VANGL1: variants seen among roughly 807,000 people sequenced by gnomAD.
VANGL1 encodes vang-like protein 1.
A neutral mutation model predicts 48.4 loss-of-function variants in VANGL1; 18 were observed. The observed-to-expected ratio is 0.37, with a 90% CI of 0.26 to 0.55. The LOEUF is 0.55. Ranked by LOEUF, VANGL1 falls within the 20% of genes least tolerant of loss-of-function variation. VANGL1 has a pLI of 0.81. For missense variants in VANGL1, 667 were observed against 675.8 expected (o/e 0.99, Z 0.14); for synonymous variants, 257 against 261.8 (o/e 0.98, Z 0.18).
chr1:115,673,965 C>G (rs1374851456), intron 4 of VANGL1, among the ~76,000 whole-genome samples: 1 of 152,110 alleles, frequency 6.6e-6, no homozygotes, highest in South Asian at 2.1e-4. Context: ...CTGCAAAGAC[C>G]CTGTGTCCAA....
At chr1:115,684,943 C>T (rs771514270) in intron 6 of VANGL1, among the ~76,000 whole-genome samples, 4 of 152,100 alleles carry the variant, frequency 2.6e-5, no homozygotes, top group Admixed American at 1.3e-4. Flanking sequence ...TATAGCCAGT[C>T]GGAGGGGCCT....
At chr1:115,674,915 G>T (rs1180260659) in intron 4 of VANGL1, among the ~76,000 whole-genome samples, 1 of 152,090 alleles carries the variant, frequency 6.6e-6, no homozygotes, top group Non-Finnish European at 1.5e-5. Context: ...GAGGGTGAAT[G>T]AATGGGAAGT....
intron 5 of VANGL1, 29 bp from the exon 6 acceptor site, chr1:115,683,915 A>C (rs374629988): frequency 1.2e-6 from 2 of 1,611,482 alleles, no homozygotes; most frequent in Middle Eastern, 3.3e-4. Context: ...TGGTATTAAC[A>C]CTATTCTTTC....
Position 115,644,038 on chromosome 1 carries a change from G to A in VANGL1, c.-138+1952G>A, listed in dbSNP as rs1405257663. On this transcript the variant is annotated intron_variant, in intron 1 of 7. Transcript: ENST00000355485. ...ACGATGCTTGGAACACTGAACCTGT[G>A]AGTAGAAGTTGAAATTGCAAAATTC... is the stretch of plus-strand genomic sequence containing the variant. Among the ~76,000 whole-genome samples the A allele has an allele frequency of 3.3e-5, 5 of 152,176 alleles. No individual in the cohort carries two copies. In the East Asian group the frequency reaches 5.8e-4, roughly 18 times the overall value.
chr1:115,678,725 G>T (rs1653262635), intron 4 of VANGL1, among the ~76,000 whole-genome samples: 1 of 152,172 alleles, frequency 6.6e-6, no homozygotes, highest in Non-Finnish European at 1.5e-5. Context: ...GGAGGCCAAG[G>T]TAGGCGGATC....
intron 4 of VANGL1, among the ~76,000 whole-genome samples, chr1:115,664,995 C>A (rs1652718015): frequency 6.6e-6 from 1 of 152,114 alleles, no homozygotes. Flanking sequence ...TATTATTAAT[C>A]CCTGTGTCAC....
Position 115,692,602 on chromosome 1 carries a change from A to G in VANGL1, c.*1223A>G, listed in dbSNP as rs1307276823. 1 of 152,706 alleles carries G rather than the reference A, an allele frequency of 6.5e-6. No homozygotes were observed. Among genetic ancestry groups the G allele is most frequent in the Non-Finnish European group, 1.5e-5 (1 of 68,096 alleles). 9.5% of individuals were successfully genotyped at this position (152,706 alleles called of 1,614,324 possible). A position where few individuals can be genotyped will look rare whatever the true frequency, so the allele number is the denominator to read the frequency against. ...ACTCTACAGAGTTTGGGGAAGGGAG[A>G]GTAGGGAGCCCATCTTGTCCAGAAA... is the stretch of plus-strand genomic sequence containing the variant. On this transcript the variant is annotated 3_prime_UTR_variant, in exon 8 of 8. Coordinates refer to ENST00000355485, the MANE Select transcript of VANGL1 (RefSeq NM_138959.3).
At chr1:115,681,374 A>G (rs1212224143) in intron 4 of VANGL1, among the ~76,000 whole-genome samples, 1 of 151,938 alleles carries the variant, frequency 6.6e-6, no homozygotes, top group African/African-American at 2.4e-5. Flanking sequence ...GGATAGTTGG[A>G]GACCTAGAAT....
intron 3 of VANGL1, among the ~76,000 whole-genome samples, chr1:115,662,052 A>AC (rs1652578498): frequency 6.6e-6 from 1 of 152,178 alleles, no homozygotes; most frequent in Non-Finnish European, 1.5e-5. Flanking sequence ...GTCCACTTCC[A>AC]CCAGCAGTGT....
intron 2 of VANGL1, among the ~76,000 whole-genome samples, chr1:115,656,423 G>T (rs1428920051): frequency 2.0e-5 from 3 of 152,156 alleles, no homozygotes; most frequent in Non-Finnish European, 2.9e-5. Context: ...CAGTCACCTG[G>T]GATGCTGGGA....
rs969122647 is a variant in VANGL1 at position 115,691,538 on chromosome 1, G to C, written c.*159G>C. 1 of 826,086 alleles carries C rather than the reference G, an allele frequency of 1.2e-6. No homozygotes were observed. The highest frequency in any genetic ancestry group is 1.8e-6 in the Non-Finnish European group (1 of 553,772). 51.2% of individuals were successfully genotyped at this position (826,086 alleles called of 1,614,324 possible). On this transcript the variant is annotated 3_prime_UTR_variant, in exon 8 of 8. Transcript: ENST00000355485. ...CCTTTGACCATCTGCACTTTATTTG[G>C]AAGGAAGCAGGGGCTGTCCACCCTG...
At position 115,696,800 on chromosome 1, in the gene VANGL1, C is replaced by T. The variant is rs972380113; in HGVS notation, c.*5421C>T. 6.6e-6 allele frequency: 1 copy of T among 152,152 alleles called. No homozygotes were observed. The highest frequency in any genetic ancestry group is 2.4e-5 in the African/African-American group (1 of 41,434). 9.4% of individuals were successfully genotyped at this position (152,152 alleles called of 1,614,324 possible). A position where few individuals can be genotyped will look rare whatever the true frequency, so the allele number is the denominator to read the frequency against. Reference sequence around the variant, plus strand: ...GTGAAAAGTTTCTTTCAATATGGCACCAAGACTCTACCATTTATGTCTCTC... The same window carrying T: ...GTGAAAAGTTTCTTTCAATATGGCATCAAGACTCTACCATTTATGTCTCTC... On this transcript the variant is annotated 3_prime_UTR_variant, in exon 8 of 8. Coordinates refer to ENST00000355485, the MANE Select transcript of VANGL1 (RefSeq NM_138959.3).
At chr1:115,683,907 G>A (rs368830867) in intron 5 of VANGL1, 37 bp from the exon 6 acceptor site, 4 of 1,609,742 alleles carry the variant, frequency 2.5e-6, no homozygotes, top group South Asian at 1.1e-5. Context: ...CACCCTCGTG[G>A]TATTAACACT....
At chr1:115,673,037 A>G (rs1298276019) in intron 4 of VANGL1, among the ~76,000 whole-genome samples, 1 of 152,198 alleles carries the variant, frequency 6.6e-6, no homozygotes, top group Non-Finnish European at 1.5e-5. Flanking sequence ...TTTTCACAGA[A>G]AGCTGAATCA....
chr1:115,659,614 A>G (rs1407452457), intron 2 of VANGL1, 27 bp from the exon 3 acceptor site: 1 of 1,613,888 alleles, frequency 6.2e-7, no homozygotes, highest in Non-Finnish European at 8.5e-7. Context: ...CATGGCATAA[A>G]TGTGCTAGCT....
chr1:115,659,212 A>AT (rs145116881), intron 2 of VANGL1, among the ~76,000 whole-genome samples: 8 of 152,154 alleles, frequency 5.3e-5, no homozygotes, highest in South Asian at 4.2e-4. Flanking sequence ...AAAAATAGAT[A>AT]TTTTTTTGTA....
intron 7 of VANGL1, among the ~76,000 whole-genome samples, chr1:115,688,787 T>C: frequency 7.6e-6 from 1 of 130,940 alleles, no homozygotes; most frequent in East Asian, 2.1e-4. Context: ...TTTATATTTC[T>C]TCTTTTTTTT....
intron 3 of VANGL1, among the ~76,000 whole-genome samples, chr1:115,661,201 AG>A (rs1023319389): frequency 1.3e-5 from 2 of 152,140 alleles, no homozygotes; most frequent in Admixed American, 1.3e-4. Context: ...TTGAAAATCT[AG>A]GGGTTTTGAT....
At chr1:115,649,764 T>C (rs1486077931) in intron 1 of VANGL1, among the ~76,000 whole-genome samples, 2 of 152,234 alleles carry the variant, frequency 1.3e-5, no homozygotes, top group African/African-American at 4.8e-5. Flanking sequence ...AAACTGTGTC[T>C]GCTTATATTT....
Sources: gnomAD v4.1 joint callset for allele counts (sites outside exome capture counted in the v4.1 genomes callset) on GRCh38, gnomAD v4.1.1 for gene constraint, MANE v1.5 for transcripts, NCBI Gene and HGNC (gene_info 2026-07-23, HGNC 2026-07-21) for gene names.